The following RTCB variants were observed in gnomAD, a reference collection of about 807,000 sequenced individuals.
The protein encoded by RTCB is RNA 2',3'-cyclic phosphate and 5'-OH ligase, also known as RNA-splicing ligase RTCB.
A neutral mutation model predicts 58.2 loss-of-function variants in RTCB; 32 were observed. That is an observed-to-expected ratio of 0.55 (90% confidence interval 0.41 to 0.74). The LOEUF (loss-of-function observed/expected upper bound fraction) is 0.74. Among genes scored for constraint, RTCB ranks in the 30% least tolerant of loss-of-function variants. RTCB has a pLI of 0.00. For synonymous variants in RTCB, 247 were observed against 218.6 expected (o/e 1.13, Z -1.15); for missense variants, 523 against 639.0 (o/e 0.82, Z 1.96).
chr22:32,406,867 C>A, intron 3 of RTCB, 106 bp from the exon 4 acceptor site: 1 of 699,958 alleles, frequency 1.4e-6, no homozygotes, highest in South Asian at 1.7e-5. Flanking sequence ...TGAAGCTTTC[C>A]CTAAATCAAG....
At chr22:32,390,682 T>G (rs1422869486) in intron 11 of RTCB, among the ~76,000 whole-genome samples, 1 of 152,144 alleles carries the variant, frequency 6.6e-6, no homozygotes, top group Non-Finnish European at 1.5e-5. Context: ...TCTCCTCACC[T>G]TGTGATCCAC....
rs754646482 is a variant in RTCB at position 32,393,962 on chromosome 22, G to A, written c.1220C>T (p.Thr407Ile). 1 of 1,613,964 alleles carries A rather than the reference G, an allele frequency of 6.2e-7. No individual in the cohort carries two copies. The highest frequency in any genetic ancestry group is 1.3e-5 in the African/African-American group (1 of 74,916). The part of the protein sequence containing the change: ...QPVLIGGTMG[T>I]CSYVLTGTEQ... ...AGTGCCAGTAAGAACATAACTACAG[G>A]TTCCCATGGTGCCACCAATGAGCAC... The change falls in exon 10 of 12, where the codon ACC (threonine) becomes ATC (isoleucine). Residue 407 changes from threonine to isoleucine, a missense_variant. Thr to Ile is a moderately conservative substitution (Grantham distance 89, BLOSUM62 -1). This residue lies in a region of RTCB where 248 missense variants were observed against 292.5 expected (regional missense o/e 0.85). Coordinates refer to ENST00000216038, the MANE Select transcript of RTCB (RefSeq NM_014306.5).
intron 7 of RTCB, 71 bp from the exon 8 acceptor site, chr22:32,396,320 A>G: frequency 6.9e-7 from 1 of 1,454,690 alleles, no homozygotes; most frequent in Non-Finnish European, 9.4e-7. Flanking sequence ...TTACTGCAGA[A>G]AGGTAGGCTA....
At chr22:32,397,089 C>T (rs370515270) in intron 7 of RTCB, among the ~76,000 whole-genome samples, 21 of 152,192 alleles carry the variant, frequency 1.4e-4, no homozygotes, top group African/African-American at 5.1e-4. Context: ...GCTCTTTCTA[C>T]CCAATAAATA....
At chr22:32,388,294 C>CT (rs774684219) in intron 11 of RTCB, among the ~76,000 whole-genome samples, 195 bp from the exon 12 acceptor site, 85 of 146,096 alleles carry the variant, frequency 5.8e-4, no homozygotes, top group South Asian at 8.7e-4. Context: ...ACACTTTCAC[C>CT]TTTTTTTTTT....
In RTCB at chr22:32,401,746, C is replaced by T. The variant is rs1874105963; in HGVS notation, c.497+1G>A. ...CATGTACTGGAAACGTGTGCTCTTA[C>T]TTGGCATTCATTGGGATGACACCTT... On this transcript the variant is annotated splice_donor_variant, in intron 5 of 11. Transcript: ENST00000216038. LOFTEE classifies it high-confidence loss of function. 6.2e-7 allele frequency: 1 copy of T among 1,613,658 alleles called. No individual in the cohort carries two copies. Among genetic ancestry groups the T allele is most frequent in the African/African-American group, 1.3e-5 (1 of 74,914 alleles).
chr22:32,408,049 G>T, intron 3 of RTCB, 126 bp downstream of exon 3: 1 of 836,366 alleles, frequency 1.2e-6, no homozygotes, highest in Non-Finnish European at 1.9e-6. Context: ...ACTGAGCCTG[G>T]CTTCATGGTT....
At chr22:32,398,130 G>A (rs778281778) in intron 6 of RTCB, 30 bp from the exon 7 acceptor site, 5 of 1,582,978 alleles carry the variant, frequency 3.2e-6, no homozygotes, top group East Asian at 2.2e-5. Context: ...TGGTAAGATA[G>A]TTTTTATTCC....
At chr22:32,402,831 G>A (rs1332096584) in intron 4 of RTCB, among the ~76,000 whole-genome samples, 3 of 152,052 alleles carry the variant, frequency 2.0e-5, no homozygotes, top group Non-Finnish European at 2.9e-5. Flanking sequence ...CAGCAGCCTC[G>A]ACTTCCCGGC....
At chr22:32,403,177 C>T (rs1020796515) in intron 4 of RTCB, among the ~76,000 whole-genome samples, 7 of 152,008 alleles carry the variant, frequency 4.6e-5, no homozygotes, top group South Asian at 2.1e-4. Flanking sequence ...GAGGCCGAGG[C>T]GGGCGGATCA....
rs1464416774 is a variant in RTCB at position 32,391,932 on chromosome 22, A to G, written c.1410+308T>C. Among the ~76,000 whole-genome samples the G allele has an allele frequency of 2.6e-5, 4 of 152,224 alleles. No homozygotes were observed. In the East Asian group the frequency reaches 7.7e-4, roughly 29 times the overall value. On this transcript the variant is annotated intron_variant, in intron 11 of 11. Coordinates refer to ENST00000216038, the MANE Select transcript of RTCB (RefSeq NM_014306.5). ...AAATTTGCTTTCAAATTGAAACCTA[A>G]GTATACAATTGTGCAAAAACAAGAG...
Position 32,403,111 on chromosome 22 carries a change from A to G in RTCB, c.341-1208T>C, listed in dbSNP as rs888437660. ...TGACCGGCAAATAAATGGCAAATAA[A>G]AACTGTATATATTGGCAGGGTGCAG... On this transcript the variant is annotated intron_variant, in intron 4 of 11. Coordinates refer to ENST00000216038, the MANE Select transcript of RTCB (RefSeq NM_014306.5). Among the ~76,000 whole-genome samples the G allele has an allele frequency of 2.0e-5, 3 of 152,118 alleles. No homozygotes were observed. In the East Asian group the frequency reaches 5.8e-4, roughly 29 times the overall value.
intron 8 of RTCB, 111 bp downstream of exon 8, chr22:32,395,963 G>C: frequency 9.3e-7 from 1 of 1,072,928 alleles, no homozygotes; most frequent in Non-Finnish European, 1.4e-6. Flanking sequence ...GCCTCCCAAA[G>C]TGTTGGGATT....
At chr22:32,402,988 T>A (rs945101677) in intron 4 of RTCB, among the ~76,000 whole-genome samples, 1 of 152,172 alleles carries the variant, frequency 6.6e-6, no homozygotes, top group Admixed American at 6.5e-5. Context: ...CAAGTGATCC[T>A]CCTGCCTCGG....
At position 32,390,812 on chromosome 22, in the gene RTCB, T is replaced by C. The variant is rs137916305; in HGVS notation, c.1410+1428A>G. ...AGATCAGGGGAAAAATGAATTGTTA[T>C]TAAAAAAAATAAGTCTTTGTCATAC... On this transcript the variant is annotated intron_variant, in intron 11 of 11. Coordinates refer to ENST00000216038, the MANE Select transcript of RTCB (RefSeq NM_014306.5). Among the ~76,000 whole-genome samples, 10 of 152,302 alleles carry C rather than the reference T, an allele frequency of 6.6e-5. No individual in the cohort carries two copies. In the East Asian group the frequency reaches 1.7e-3, roughly 26 times the overall value.
In RTCB at chr22:32,396,005, T is replaced by G. The variant is rs570734063; in HGVS notation, c.990+69A>C. The stretch of plus-strand genomic sequence containing the variant: ...ATGAGCCACCGTGTCCAGCCTGGAC[T>G]GCACTATGTTTTAAAGCACTTAACA... On this transcript the variant is annotated intron_variant, in intron 8 of 11. Coordinates refer to ENST00000216038, the MANE Select transcript of RTCB (RefSeq NM_014306.5). 2.6e-6 allele frequency: 4 copies of G among 1,512,868 alleles called. No individual in the cohort carries two copies. The African/African-American group carries it at 4.1e-5, about 16-fold the overall frequency. 93.7% of individuals were successfully genotyped at this position (1,512,868 alleles called of 1,614,324 possible).
At chr22:32,394,535 GA>G (rs1569440545) in intron 9 of RTCB, among the ~76,000 whole-genome samples, 1 of 152,186 alleles carries the variant, frequency 6.6e-6, no homozygotes, top group Non-Finnish European at 1.5e-5. Context: ...TAAAAATGCA[GA>G]AGAGTCAAAA....
intron 8 of RTCB, 111 bp downstream of exon 8, chr22:32,395,963 G>A: frequency 8.4e-6 from 9 of 1,072,928 alleles, no homozygotes; most frequent in Non-Finnish European, 1.2e-5. Flanking sequence ...GCCTCCCAAA[G>A]TGTTGGGATT....
rs748868456 is a variant in RTCB, at chr22:32,406,761, G to A, written c.241C>T (p.Arg81Ter). 8 of 1,604,446 alleles carry A rather than the reference G, an allele frequency of 5.0e-6. No homozygotes were observed. Among genetic ancestry groups the A allele is most frequent in the East Asian group, 2.2e-5 (1 of 44,710 alleles). The change falls in exon 4 of 12, where the codon CGA (arginine) becomes TGA (stop). Residue 81 changes from arginine (R) to a stop codon, truncating the protein, a stop_gained and splice_region_variant. Coordinates refer to ENST00000216038, the MANE Select transcript of RTCB (RefSeq NM_014306.5). LOFTEE classifies it high-confidence loss of function. ...TGGACATCAGGAAGCCCAATAGATC[G>A]CTGAAAAAGAATTAGAAAATGAAAT... is the stretch of plus-strand genomic sequence containing the variant. ...NVAALPGIVH[R>*]SIGLPDVHSG... is the part of the protein sequence containing the mutation.
Sources: allele counts gnomAD v4.1 joint callset (sites outside exome capture counted in the v4.1 genomes callset), GRCh38; gene constraint gnomAD v4.1.1; regional missense constraint gnomAD v4.1.1; transcripts MANE v1.5; gene names NCBI Gene and HGNC (gene_info 2026-07-23, HGNC 2026-07-21).